Variants in TMEM145 observed in about 807,000 individuals in gnomAD.
TMEM145 encodes transmembrane protein 145.
Under a neutral mutation model 68.5 loss-of-function variants are expected in TMEM145, and 46 were observed. The ratio of observed to expected loss-of-function variants is 0.67; its 90% confidence interval spans 0.53 to 0.86. The LOEUF (loss-of-function observed/expected upper bound fraction) is 0.86. TMEM145 is among the 40% of genes least tolerant of loss of function. The pLI is 0.00. For missense variants in TMEM145, 570 were observed against 645.8 expected (o/e 0.88, Z 1.27); for synonymous variants, 255 against 280.2 (o/e 0.91, Z 0.90).
intron 5 of TMEM145, 32 bp downstream of exon 5, chr19:42,314,883 G>A (rs745491473): frequency 2.5e-6 from 4 of 1,614,162 alleles, no homozygotes; most frequent in Non-Finnish European, 1.7e-6. Context: ...ATTGCGCTCA[G>A]CAAGTGTGGG....
At chr19:42,320,239 A>G in intron 12 of TMEM145, 78 bp from the exon 13 acceptor site, 1 of 1,589,564 alleles carries the variant, frequency 6.3e-7, no homozygotes, top group Admixed American at 1.7e-5. Flanking sequence ...GCGTGTGTAC[A>G]TGGCAGGCGA....
chr19:42,323,468 C>A, intron 13 of TMEM145, 115 bp from the exon 14 acceptor site: 4 of 998,948 alleles, frequency 4.0e-6, no homozygotes, highest in Non-Finnish European at 6.0e-6. Context: ...GTGTGAATGG[C>A]TTCAGGGAAG....
At chr19:42,316,402 G>A (rs1290217104) in intron 8 of TMEM145, 79 bp from the exon 9 acceptor site, 2 of 1,374,168 alleles carry the variant, frequency 1.5e-6, no homozygotes, top group African/African-American at 1.4e-5. Context: ...GATTCAGACT[G>A]CCTGGATGGT....
chr19:42,314,550 TA>T (rs755392443), intron 3 of TMEM145, 22 bp downstream of exon 3: 11 of 1,614,108 alleles, frequency 6.8e-6, no homozygotes, highest in South Asian at 4.4e-5. Flanking sequence ...GAAGAGGGCA[TA>T]GGGGGAGAGG....
At chr19:42,318,846 C>T (rs2147419173) in intron 12 of TMEM145, among the ~76,000 whole-genome samples, 1 of 152,206 alleles carries the variant, frequency 6.6e-6, no homozygotes, top group African/African-American at 2.4e-5. Flanking sequence ...CTTTGGGAGG[C>T]CAAGGTGGGT....
At chr19:42,322,296 A>G (rs1005341883) in intron 13 of TMEM145, among the ~76,000 whole-genome samples, 3 of 152,130 alleles carry the variant, frequency 2.0e-5, no homozygotes, top group African/African-American at 4.8e-5. Flanking sequence ...AGTGGTTTTC[A>G]TTTCCACCCT....
intron 13 of TMEM145, chr19:42,321,009 CCCTT>C (rs2038906164): frequency 2.5e-6 from 1 of 399,072 alleles, no homozygotes; most frequent in Non-Finnish European, 4.4e-6. Flanking sequence ...TCTTTGCCCT[CCCTT>C]CCCATTTCCA....
At chr19:42,324,519 CG>C (rs920598585) in intron 14 of TMEM145, 3 of 985,278 alleles carry the variant, frequency 3.0e-6, no homozygotes, top group Admixed American at 6.1e-5. Flanking sequence ...ACTGCACCCC[CG>C]GTCTGAGCAC....
At position 42,323,665 on chromosome 19, in the gene TMEM145, G is replaced by A; in HGVS notation, c.1277G>A (p.Gly426Glu). 1.2e-6 allele frequency: 2 copies of A among 1,614,140 alleles called. No homozygotes were observed. The highest frequency in any genetic ancestry group is 1.7e-6 in the Non-Finnish European group (2 of 1,180,014). The change falls in exon 14 of 15, where the codon GGA becomes GAA. Residue 426 changes from glycine to glutamate, a missense_variant. Physicochemically the swap from Gly to Glu is moderately conservative, Grantham distance 98. Transcript: ENST00000301204. ...CAGATCGCTTCAGCCGGAGTCCCTG[G>A]ACCCGGAGGGAGCCAATCCGCTGAC... ...TSQIASAGVP[G>E]PGGSQSADKA...
At position 42,324,784 on chromosome 19, in the gene TMEM145, C is replaced by A. The variant is rs2038955630; in HGVS notation, c.1449C>A (p.Asp483Glu). The stretch of plus-strand genomic sequence containing the variant: ...ATTCTGGGCTCCCGCTGTTCCGTGA[C>A]CTCCGGCCCCCTGGCCCCCTTCGAG... ...APDSGLPLFRDLRPPGPLRDL is the reference protein window; with the variant it reads ...APDSGLPLFRELRPPGPLRDL The change falls in exon 15 of 15, where the codon GAC becomes GAA. Residue 483 changes from aspartate to glutamate, a missense_variant. By Grantham distance (45) the Asp-to-Glu change is conservative. Coordinates refer to ENST00000301204, the MANE Select transcript of TMEM145 (RefSeq NM_173633.3). The A allele has an allele frequency of 6.4e-7, 1 of 1,569,138 alleles. No homozygotes were observed. Among genetic ancestry groups the A allele is most frequent in the Non-Finnish European group, 8.6e-7 (1 of 1,164,880 alleles).
In TMEM145 at chr19:42,316,527, C is replaced by T. The variant is rs142096783; in HGVS notation, c.693C>T (p.Thr231=). Residue 231 remains threonine, a synonymous_variant, in exon 9 of 15, where the codon ACC becomes ACT. Coordinates refer to ENST00000301204, the MANE Select transcript of TMEM145 (RefSeq NM_173633.3). ...FFCIYWGQYA[T]DGIGNESVKI... Reference sequence around the variant, plus strand: ...GCATCTACTGGGGTCAATATGCCACCGATGGCATTGGCAACGAGAGTGTGA... The same window carrying T: ...GCATCTACTGGGGTCAATATGCCACTGATGGCATTGGCAACGAGAGTGTGA... 2.5e-5 allele frequency: 41 copies of T among 1,614,196 alleles called. No individual in the cohort carries two copies. Among genetic ancestry groups the T allele is most frequent in the Middle Eastern group, 1.6e-4 (1 of 6,062 alleles).
At position 42,317,777 on chromosome 19, in the gene TMEM145, G is replaced by A. The variant is rs754088818; in HGVS notation, c.969G>A (p.Gln323=). The A allele has an allele frequency of 2.5e-6, 4 of 1,614,194 alleles. No individual in the cohort carries two copies. The highest frequency in any genetic ancestry group is 3.4e-6 in the Non-Finnish European group (4 of 1,180,028). ...SPAGYGLIGL[Q]VAAYVWFCYA... ...CCGGCTACGGGCTCATTGGACTGCA[G>A]GTGGCGGCCTACGTGTGGTTCTGCT... The change falls in exon 12 of 15, where the codon CAG becomes CAA. Residue 323 remains glutamine, a synonymous_variant. Transcript: ENST00000301204.
intron 8 of TMEM145, among the ~76,000 whole-genome samples, chr19:42,316,031 AAAAACAAAAC>A (rs956670513): frequency 2.0e-4 from 31 of 151,784 alleles, no homozygotes; most frequent in Admixed American, 1.6e-3. Flanking sequence ...CTCTGTCTCA[AAAAACAAAAC>A]AAAACAAAAC....
At chr19:42,324,430 C>A (rs147430169) in intron 14 of TMEM145, 12 of 985,424 alleles carry the variant, frequency 1.2e-5, no homozygotes, top group Middle Eastern at 5.2e-4. Flanking sequence ...CGACGCCGCC[C>A]TACCAGCCGC....
chr19:42,318,558 G>A (rs1045995731), intron 12 of TMEM145, among the ~76,000 whole-genome samples: 1 of 151,640 alleles, frequency 6.6e-6, no homozygotes, highest in Admixed American at 6.6e-5. Context: ...ATGCTGGTGG[G>A]CACCTGTAAT....
chr19:42,315,220 A>G lies in TMEM145; in HGVS notation c.538A>G (p.Ile180Val). 1 of 1,607,284 alleles carries G rather than the reference A, an allele frequency of 6.2e-7. No individual in the cohort carries two copies. Residue 180 changes from isoleucine to valine, a missense_variant, in exon 7 of 15, where the codon ATC becomes GTC. Physicochemically the swap from Ile to Val is conservative, Grantham distance 29 (BLOSUM62 3). Coordinates refer to ENST00000301204, the MANE Select transcript of TMEM145 (RefSeq NM_173633.3). ...GGAGACAGATGTGACCTTCCTCCTC[A>G]TCTTCATCCTCATCTTCTTCCTCTC... ...ILETDVTFLL[I>V]FILIFFLSCY...
Position 42,316,960 on chromosome 19 carries a change from G to A in TMEM145, c.897G>A (p.Ala299=), listed in dbSNP as rs765503725. 1.3e-5 allele frequency: 21 copies of A among 1,613,014 alleles called. No individual in the cohort carries two copies. Among genetic ancestry groups the A allele is most frequent in the Admixed American group, 8.3e-5 (5 of 59,964 alleles). Reference sequence around the variant, plus strand: ...ATGTGGTGCTGCTCATCTACGAGGCGGAAGTGAGTCCGACTGGCCCCTGGC... The same window carrying A: ...ATGTGGTGCTGCTCATCTACGAGGCAGAAGTGAGTCCGACTGGCCCCTGGC... ...LTHVVLLIYE[A]EFFDPGQVLY... Residue 299 remains alanine, a synonymous_variant, in exon 11 of 15, where the codon GCG becomes GCA. Transcript: ENST00000301204.
intron 9 of TMEM145, 36 bp downstream of exon 9, chr19:42,316,597 C>A: frequency 6.2e-7 from 1 of 1,613,784 alleles, no homozygotes; most frequent in South Asian, 1.1e-5. Flanking sequence ...GGGTGGAGCC[C>A]AGGGCTCAGG....
chr19:42,321,512 C>T (rs908374349), intron 13 of TMEM145: 6 of 186,744 alleles, frequency 3.2e-5, no homozygotes, highest in African/African-American at 1.4e-4. Flanking sequence ...GCCTCAGCCT[C>T]CCTAGTAGCT....
Sources: allele counts gnomAD v4.1 joint callset (sites outside exome capture counted in the v4.1 genomes callset), GRCh38; gene constraint gnomAD v4.1.1; transcripts MANE v1.5; gene names NCBI Gene and HGNC (gene_info 2026-07-23, HGNC 2026-07-21).